The following SLC5A7 variants were observed in gnomAD, a reference collection of about 807,000 sequenced individuals.
The protein encoded by SLC5A7 is high affinity choline transporter 1.
SLC5A7 carries 19 observed loss-of-function variants against 55.4 expected under a neutral mutation model. The observed-to-expected ratio is 0.34, with a 90% CI of 0.24 to 0.50. The LOEUF is 0.50. SLC5A7 is among the 20% of genes least tolerant of loss of function. SLC5A7 has a pLI of 0.98. For synonymous variants in SLC5A7, 265 were observed against 263.7 expected (o/e 1.00, Z -0.05); for missense variants, 506 against 705.3 (o/e 0.72, Z 3.20).
At chr2:107,991,174 C>G (rs1408679986) in intron 2 of SLC5A7, among the ~76,000 whole-genome samples, 1 of 152,164 alleles carries the variant, frequency 6.6e-6, no homozygotes, top group Non-Finnish European at 1.5e-5. Context: ...ATTCTTGGCT[C>G]AAACCTGTTA....
intron 5 of SLC5A7, 57 bp from the exon 6 acceptor site, chr2:108,001,840 A>G: frequency 6.3e-7 from 1 of 1,593,404 alleles, no homozygotes; most frequent in Non-Finnish European, 8.6e-7. Context: ...CAAATCTTGC[A>G]TATATCAGAC....
intron 7 of SLC5A7, 64 bp from the exon 8 acceptor site, chr2:108,008,401 C>A: frequency 7.6e-7 from 1 of 1,316,840 alleles, no homozygotes; most frequent in South Asian, 1.3e-5. Context: ...ATAGGATGAC[C>A]CCAGATGGAT....
At position 108,010,600 on chromosome 2, in the gene SLC5A7, C is replaced by G. The variant is rs1166107080; in HGVS notation, c.1482C>G (p.Ile494Met). 1 of 1,613,852 alleles carries G rather than the reference C, an allele frequency of 6.2e-7. No individual in the cohort carries two copies. Among genetic ancestry groups the G allele is most frequent in the Non-Finnish European group, 8.5e-7 (1 of 1,179,952 alleles). Residue 494 changes from isoleucine (I) to methionine (M), a missense_variant, in exon 9 of 9, where the codon ATC becomes ATG. By Grantham distance (10) the Ile-to-Met change is conservative. Coordinates refer to ENST00000264047, the MANE Select transcript of SLC5A7 (RefSeq NM_021815.5). ...CATCATTCTTAACCAACATTTGCAT[C>G]TCCTATCTAGCCAAGTATCTATTTG... ...MVTSFLTNIC[I>M]SYLAKYLFES...
At chr2:107,995,668 CA>C (rs1158474170) in intron 4 of SLC5A7, among the ~76,000 whole-genome samples, 1 of 152,148 alleles carries the variant, frequency 6.6e-6, no homozygotes, top group Non-Finnish European at 1.5e-5. Flanking sequence ...GTGTTTATTA[CA>C]AATAATTTGA....
intron 6 of SLC5A7, among the ~76,000 whole-genome samples, chr2:108,004,953 A>G (rs1485864108): frequency 6.6e-6 from 1 of 152,182 alleles, no homozygotes; most frequent in African/African-American, 2.4e-5. Flanking sequence ...TCTTTATATC[A>G]TGCAACAAAT....
intron 5 of SLC5A7, 145 bp downstream of exon 5, chr2:107,998,131 C>A: frequency 2.5e-6 from 2 of 814,616 alleles, no homozygotes; most frequent in Non-Finnish European, 3.5e-6. Context: ...TCAAATTTCT[C>A]CATAAATTAA....
chr2:107,999,931 A>G (rs1020495226), intron 5 of SLC5A7, among the ~76,000 whole-genome samples: 2 of 152,168 alleles, frequency 1.3e-5, no homozygotes, highest in African/African-American at 4.8e-5. Context: ...CCTTTTCACT[A>G]AACTCACCAT....
intron 6 of SLC5A7, among the ~76,000 whole-genome samples, chr2:108,005,549 G>A (rs1217861733): frequency 6.6e-6 from 1 of 152,206 alleles, no homozygotes; most frequent in African/African-American, 2.4e-5. Flanking sequence ...GAAAGTTGAT[G>A]ATACATTGTC....
chr2:108,006,322 T>G, intron 7 of SLC5A7, 120 bp downstream of exon 7: 1 of 1,116,838 alleles, frequency 9.0e-7, no homozygotes, highest in Non-Finnish European at 1.3e-6. Context: ...CACATTCATA[T>G]CTATAGATTT....
intron 4 of SLC5A7, among the ~76,000 whole-genome samples, chr2:107,996,116 C>CA (rs1677658570): frequency 6.6e-6 from 1 of 151,752 alleles, no homozygotes; most frequent in African/African-American, 2.4e-5. Flanking sequence ...TTGAACTTTT[C>CA]ATAATTCATG....
At chr2:108,005,924 C>A in intron 6 of SLC5A7, 125 bp from the exon 7 acceptor site, 1 of 1,139,384 alleles carries the variant, frequency 8.8e-7, no homozygotes, top group Non-Finnish European at 1.2e-6. Context: ...ATATTTGTGG[C>A]TACATGCCAC....
At chr2:107,990,498 G>T (rs1290121647) in intron 2 of SLC5A7, among the ~76,000 whole-genome samples, 1 of 151,762 alleles carries the variant, frequency 6.6e-6, no homozygotes, top group East Asian at 1.9e-4. Context: ...TCAGCTCATG[G>T]TTACACACAC....
In SLC5A7 at chr2:107,993,534, A is replaced by G. The variant is rs1677537983; in HGVS notation, c.448+407A>G. Among the ~76,000 whole-genome samples the G allele has an allele frequency of 1.3e-5, 2 of 152,228 alleles. 1 individual carries two copies. Among genetic ancestry groups the G allele is most frequent in the South Asian group, 4.1e-4 (2 of 4,836 alleles). ...TACTAATACATATTTTTGGTGTTGA[A>G]TAAATTTAAATAAATGATTTATATC... On this transcript the variant is annotated intron_variant, in intron 4 of 8. Transcript: ENST00000264047.
intron 5 of SLC5A7, among the ~76,000 whole-genome samples, chr2:107,999,174 C>T (rs79300314): frequency 0.015 from 2,352 of 152,278 alleles, 33 homozygotes; most frequent in Non-Finnish European, 0.026. Context: ...TTAATTTGCT[C>T]AAGGACTCCC....
At chr2:107,995,569 C>G (rs1265568286) in intron 4 of SLC5A7, among the ~76,000 whole-genome samples, 1 of 151,696 alleles carries the variant, frequency 6.6e-6, no homozygotes, top group Non-Finnish European at 1.5e-5. Context: ...AACTTCACCA[C>G]TATGCAGTAT....
Position 108,010,998 on chromosome 2 carries a change from A to G in SLC5A7, c.*137A>G, listed in dbSNP as rs1678307796. The G allele has an allele frequency of 4.3e-6, 4 of 930,274 alleles. No homozygotes were observed. The highest frequency in any genetic ancestry group is 2.9e-5 in the East Asian group (1 of 34,330). The allele number at this position is 930,274 out of a possible 1,614,324, so 57.6% of individuals were successfully genotyped here. A position where few individuals can be genotyped will look rare whatever the true frequency, so the allele number is the denominator to read the frequency against. ...AGAGTAAAAATTCATATAAAGTGCA[A>G]TTGCACAAATACAAGCCAAGCTAGA... On this transcript the variant is annotated 3_prime_UTR_variant, in exon 9 of 9. Coordinates refer to ENST00000264047, the MANE Select transcript of SLC5A7 (RefSeq NM_021815.5).
At chr2:108,005,233 A>G (rs1678059343) in intron 6 of SLC5A7, among the ~76,000 whole-genome samples, 1 of 152,174 alleles carries the variant, frequency 6.6e-6, no homozygotes, top group African/African-American at 2.4e-5. Flanking sequence ...TGACTCTCAT[A>G]GTAGAAAGTA....
intron 5 of SLC5A7, among the ~76,000 whole-genome samples, chr2:107,999,660 T>A (rs1359423901): frequency 6.6e-6 from 1 of 152,188 alleles, no homozygotes; most frequent in Non-Finnish European, 1.5e-5. Flanking sequence ...ATTAATCAAC[T>A]TACCCCTTAG....
chr2:108,010,776 T>C lies in SLC5A7; in HGVS notation c.1658T>C (p.Leu553Pro), dbSNP rs1252150487. The C allele has an allele frequency of 1.2e-6, 2 of 1,613,542 alleles. No individual in the cohort carries two copies. The highest frequency in any genetic ancestry group is 1.7e-4 in the Middle Eastern group (1 of 6,054). The change falls in exon 9 of 9, where the codon CTC becomes CCC. Residue 553 changes from leucine (L) to proline (P), a missense_variant. This residue lies in a region of SLC5A7 where 137 missense variants were observed against 143.6 expected (regional missense o/e 0.95). Coordinates refer to ENST00000264047, the MANE Select transcript of SLC5A7 (RefSeq NM_021815.5). ...GTGAAGCCACGACAGAGCATGACCC[T>C]CAGCTCAACTTTCACCAATAAAGAG... is the stretch of plus-strand genomic sequence containing the variant. The part of the protein sequence containing the change: ...ALVKPRQSMT[L>P]SSTFTNKEAF...
Sources: allele counts gnomAD v4.1 joint callset (sites outside exome capture counted in the v4.1 genomes callset), GRCh38; gene constraint gnomAD v4.1.1; regional missense constraint gnomAD v4.1.1; transcripts MANE v1.5; gene names NCBI Gene and HGNC (gene_info 2026-07-23, HGNC 2026-07-21).